TSHZ2: variants seen among roughly 807,000 people sequenced by gnomAD.
TSHZ2 encodes the protein teashirt zinc finger homeobox 2.
Under a neutral mutation model 74.4 loss-of-function variants are expected in TSHZ2, and 21 were observed. The observed-to-expected ratio is 0.28, with a 90% CI of 0.20 to 0.41. The LOEUF (loss-of-function observed/expected upper bound fraction) is 0.41. Ranked by LOEUF, TSHZ2 falls within the 10% of genes least tolerant of loss-of-function variation. TSHZ2 has a pLI of 1.00. For missense variants in TSHZ2, 1,244 were observed against 1,293.5 expected (o/e 0.96, Z 0.59); for synonymous variants, 540 against 515.3 (o/e 1.05, Z -0.65).
chr20:53,435,568 C>T (rs948656983), intron 2 of TSHZ2, among the ~76,000 whole-genome samples: 3 of 152,210 alleles, frequency 2.0e-5, no homozygotes, highest in Non-Finnish European at 4.4e-5. Flanking sequence ...GGCTGGAGTG[C>T]AGTGGCGCGA....
rs556875885 is a variant in TSHZ2 at position 53,155,223 on chromosome 20, A to G, written c.41-98276A>G. ...GAAGTATTATTGTATCAATTGTTTG[A>G]CCAGGCAGGGAACACCTGACCTACC... On this transcript the variant is annotated intron_variant, in intron 1 of 2. Coordinates refer to ENST00000371497, the MANE Select transcript of TSHZ2 (RefSeq NM_173485.6). Among the ~76,000 whole-genome samples, 18 of 152,042 alleles carry G rather than the reference A, an allele frequency of 1.2e-4. No homozygotes were observed. The South Asian group carries it at 3.8e-3, about 32-fold the overall frequency.
At chr20:52,989,105 G>T (rs1186112760) in intron 1 of TSHZ2, among the ~76,000 whole-genome samples, 1 of 148,610 alleles carries the variant, frequency 6.7e-6, no homozygotes, top group African/African-American at 2.5e-5. Flanking sequence ...AAACTCAAGG[G>T]ATCCTATCTG....
chr20:53,248,832 TATTTCATTTC>T (rs201808124), intron 1 of TSHZ2, among the ~76,000 whole-genome samples: 3 of 152,160 alleles, frequency 2.0e-5, no homozygotes, highest in Admixed American at 6.6e-5. Flanking sequence ...GCTCTGGTAT[TATTTCATTTC>T]ATTTCATTTC....
intron 1 of TSHZ2, among the ~76,000 whole-genome samples, chr20:53,182,623 C>T (rs1321086192): frequency 6.6e-6 from 1 of 152,138 alleles, no homozygotes; most frequent in Non-Finnish European, 1.5e-5. Context: ...ATACATTTTG[C>T]CAAAGAATCT....
chr20:53,122,269 CAG>C (rs1986830436), intron 1 of TSHZ2, among the ~76,000 whole-genome samples: 1 of 142,446 alleles, frequency 7.0e-6, no homozygotes. Flanking sequence ...GCCTGGGTGA[CAG>C]AGTGAGACCC....
At chr20:53,045,642 G>A (rs1256283082) in intron 1 of TSHZ2, among the ~76,000 whole-genome samples, 1 of 152,180 alleles carries the variant, frequency 6.6e-6, no homozygotes, top group Non-Finnish European at 1.5e-5. Flanking sequence ...CTAATCCAGT[G>A]GTAACAGTTC....
intron 2 of TSHZ2, among the ~76,000 whole-genome samples, chr20:53,302,665 G>A (rs532274542): frequency 4.6e-4 from 70 of 152,252 alleles, no homozygotes; most frequent in African/African-American, 1.1e-3. Context: ...ATTAAATGGA[G>A]TAAGTTCCTT....
intron 1 of TSHZ2, among the ~76,000 whole-genome samples, chr20:53,065,424 G>A (rs891202509): frequency 6.6e-6 from 1 of 152,166 alleles, no homozygotes; most frequent in East Asian, 1.9e-4. Flanking sequence ...AAGACAAGGG[G>A]TTGGAAAAGC....
chr20:53,451,329 A>G (rs1984776781), intron 2 of TSHZ2, among the ~76,000 whole-genome samples: 1 of 152,234 alleles, frequency 6.6e-6, no homozygotes, highest in Admixed American at 6.5e-5. Flanking sequence ...TATGGACCAA[A>G]CTATTTTGGA....
At chr20:53,476,109 G>A (rs200214256) in intron 2 of TSHZ2, among the ~76,000 whole-genome samples, 46 of 143,816 alleles carry the variant, frequency 3.2e-4, no homozygotes, top group South Asian at 1.1e-3. Flanking sequence ...ATTCCTTCTG[G>A]AACTATTCCA....
chr20:53,233,689 T>C (rs781435780), intron 1 of TSHZ2, among the ~76,000 whole-genome samples: 2 of 152,160 alleles, frequency 1.3e-5, no homozygotes, highest in Admixed American at 1.3e-4. Flanking sequence ...CTTGTTCAAA[T>C]GGGCAGACTC....
chr20:52,996,092 A>G (rs1982176194), intron 1 of TSHZ2, among the ~76,000 whole-genome samples: 1 of 152,186 alleles, frequency 6.6e-6, no homozygotes, highest in South Asian at 2.1e-4. Flanking sequence ...GGAATAGCAC[A>G]TAGATGTCTT....
chr20:53,217,784 C>G (rs553656473), intron 1 of TSHZ2, among the ~76,000 whole-genome samples: 7 of 152,290 alleles, frequency 4.6e-5, no homozygotes, highest in African/African-American at 1.7e-4. Flanking sequence ...GCTTGTAACC[C>G]CTGGTTTACA....
At chr20:53,414,288 G>C (rs1983158384) in intron 2 of TSHZ2, among the ~76,000 whole-genome samples, 1 of 152,042 alleles carries the variant, frequency 6.6e-6, no homozygotes, top group Admixed American at 6.6e-5. Context: ...CTAAGTTCTT[G>C]TACTGTTTTT....
At chr20:53,270,893 A>G (rs1284647767) in intron 2 of TSHZ2, among the ~76,000 whole-genome samples, 2 of 152,104 alleles carry the variant, frequency 1.3e-5, no homozygotes, top group South Asian at 2.1e-4. Context: ...GGATTTTGTC[A>G]TCTTTAATTG....
chr20:53,398,124 T>C (rs1199803271), intron 2 of TSHZ2: 2 of 151,916 alleles, frequency 1.3e-5, no homozygotes. Context: ...GAACTTAAAG[T>C]ATAATAAAAA....
chr20:53,420,495 A>T (rs66845016), intron 2 of TSHZ2, among the ~76,000 whole-genome samples: 1 of 152,120 alleles, frequency 6.6e-6, no homozygotes, highest in African/African-American at 2.4e-5. Context: ...ATGAGGCCAA[A>T]GCGGGCAGAT....
chr20:53,213,394 C>G (rs775432598), intron 1 of TSHZ2, among the ~76,000 whole-genome samples: 1 of 152,152 alleles, frequency 6.6e-6, no homozygotes, highest in Non-Finnish European at 1.5e-5. Flanking sequence ...CACCTGGATG[C>G]TTCGTTACAA....
chr20:53,181,927 T>A (rs1021370080), intron 1 of TSHZ2, among the ~76,000 whole-genome samples: 1 of 152,142 alleles, frequency 6.6e-6, no homozygotes, highest in African/African-American at 2.4e-5. Flanking sequence ...AACATGGTTT[T>A]AAAAAAATTA....
Sources: allele counts gnomAD v4.1 joint callset (sites outside exome capture counted in the v4.1 genomes callset), GRCh38; gene constraint gnomAD v4.1.1; transcripts MANE v1.5; gene names NCBI Gene and HGNC (gene_info 2026-07-23, HGNC 2026-07-21).